Variants in TUT4 observed in about 807,000 individuals in gnomAD.
The protein encoded by TUT4 is terminal uridylyltransferase 4.
Under a neutral mutation model 192.2 loss-of-function variants are expected in TUT4, and 36 were observed. That is an observed-to-expected ratio of 0.19 (90% CI 0.14 to 0.25). The LOEUF (loss-of-function observed/expected upper bound fraction) is 0.25. TUT4 is among the 10% of genes least tolerant of loss of function. The probability of loss-of-function intolerance (pLI) is 1.00; values close to 1 mark genes in which losing one functional copy is unlikely to be tolerated. For missense variants in TUT4, 1,493 were observed against 1,957.2 expected (o/e 0.76, Z 4.47); for synonymous variants, 618 against 666.0 (o/e 0.93, Z 1.11).
intron 25 of TUT4, chr1:52,437,459 A>C (rs1654137259): frequency 6.5e-6 from 1 of 153,614 alleles, no homozygotes. Flanking sequence ...ATTTTGAGGG[A>C]GTATAGAAGA....
chr1:52,481,484 T>A lies in TUT4; in HGVS notation c.1787A>T (p.Asp596Val). The A allele has an allele frequency of 6.2e-7, 1 of 1,614,046 alleles. No homozygotes were observed. The highest frequency in any genetic ancestry group is 8.5e-7 in the Non-Finnish European group (1 of 1,179,968). ...GTCTGTTTCTGTCTTCTTGGTATCATCTTTTGGTTGGTCTGCCTTAGCTTT... is the reference window on the plus strand; with the variant it reads ...GTCTGTTTCTGTCTTCTTGGTATCAACTTTTGGTTGGTCTGCCTTAGCTTT... ...ENKAKADQPK[D>V]DTKKTETDNQ... The change falls in exon 11 of 30, where the codon GAT (aspartate) becomes GTT (valine). Residue 596 changes from aspartate to valine, a missense_variant. Transcript: ENST00000257177.
chr1:52,436,518 G>C (rs1653849973), intron 26 of TUT4, among the ~76,000 whole-genome samples: 1 of 151,942 alleles, frequency 6.6e-6, no homozygotes, highest in South Asian at 2.1e-4. Flanking sequence ...AAAATCTAAA[G>C]AATACTTACA....
At chr1:52,453,001 T>C (rs905412049) in intron 20 of TUT4, among the ~76,000 whole-genome samples, 5 of 152,170 alleles carry the variant, frequency 3.3e-5, no homozygotes, top group Admixed American at 2.0e-4. Context: ...GCAGAAGTGG[T>C]TGCTTGCTTG....
intron 13 of TUT4, among the ~76,000 whole-genome samples, chr1:52,474,095 C>T (rs749225196): frequency 2.0e-5 from 3 of 152,126 alleles, no homozygotes; most frequent in Admixed American, 6.6e-5. Context: ...GTTGTCCCAG[C>T]TACTCAGGAG....
chr1:52,463,014 C>T, intron 16 of TUT4: 5 of 985,188 alleles, frequency 5.1e-6, no homozygotes, highest in Non-Finnish European at 6.0e-6. Context: ...TACTAATTCA[C>T]ATATGATAAA....
At chr1:52,446,509 T>G in intron 21 of TUT4, 67 bp from the exon 22 acceptor site, 1 of 1,548,758 alleles carries the variant, frequency 6.5e-7, no homozygotes, top group Non-Finnish European at 8.7e-7. Flanking sequence ...GGACAGCAAA[T>G]TTAAGTAAAA....
intron 4 of TUT4, among the ~76,000 whole-genome samples, chr1:52,504,991 T>C (rs1675144940): frequency 6.6e-6 from 1 of 152,250 alleles, no homozygotes; most frequent in Non-Finnish European, 1.5e-5. Flanking sequence ...AATGGATATC[T>C]GAATTGCTTC....
rs776563811 is a variant in TUT4 at position 52,481,428 on chromosome 1, C to G, written c.1843G>C (p.Gly615Arg). Residue 615 changes from glycine to arginine, a missense_variant, in exon 11 of 30, where the codon GGC (glycine) becomes CGC (arginine). Physicochemically the swap from Gly to Arg is moderately radical, Grantham distance 125. Transcript: ENST00000257177. ...ACAAAAACAAAAAGGCTTACTTTGCCATGTTTTTCCTTCATGGCATTACTT... is the reference window on the plus strand; with the variant it reads ...ACAAAAACAAAAAGGCTTACTTTGCGATGTTTTTCCTTCATGGCATTACTT... Reference protein sequence around the residue: ...NQSNAMKEKHGKSPLALETPN... With the variant: ...NQSNAMKEKHRKSPLALETPN... 1 of 1,613,436 alleles carries G rather than the reference C, an allele frequency of 6.2e-7. No individual in the cohort carries two copies. The highest frequency in any genetic ancestry group is 1.1e-5 in the South Asian group (1 of 90,992).
At chr1:52,465,613 T>C (rs1429443911) in intron 15 of TUT4, among the ~76,000 whole-genome samples, 7 of 152,262 alleles carry the variant, frequency 4.6e-5, no homozygotes, top group South Asian at 2.1e-4. Flanking sequence ...TCTGCTTTTA[T>C]ACATTCTCAA....
At chr1:52,502,006 A>G (rs898445522) in intron 4 of TUT4, among the ~76,000 whole-genome samples, 5 of 152,082 alleles carry the variant, frequency 3.3e-5, no homozygotes, top group African/African-American at 1.2e-4. Flanking sequence ...GAATGATGAA[A>G]AAGTTCTGAA....
At chr1:52,511,575 G>A (rs928485426) in intron 3 of TUT4, among the ~76,000 whole-genome samples, 2 of 152,122 alleles carry the variant, frequency 1.3e-5, no homozygotes, top group Non-Finnish European at 2.9e-5. Context: ...AGACCTTATT[G>A]ATAAAGTAAC....
chr1:52,515,769 G>A, intron 3 of TUT4, 122 bp downstream of exon 3: 2 of 1,119,496 alleles, frequency 1.8e-6, no homozygotes, highest in South Asian at 1.4e-5. Flanking sequence ...GAAGAGGGAA[G>A]TAAGGAAAGA....
chr1:52,525,913 C>T lies in TUT4; in HGVS notation c.368G>A (p.Ser123Asn). The change falls in exon 2 of 30, where the codon AGT becomes AAT. Residue 123 changes from serine to asparagine, a missense_variant. This residue lies in a region of TUT4 where 260 missense variants were observed against 247.8 expected (regional missense o/e 1.05). Transcript: ENST00000257177. ...TGATTTTTCTGCTTTTGCCTGTAAA[C>T]TGGTTGCCTTTTCTGATTTTGCCTG... ...ISQAKSEKAT[S>N]LQAKAEKSPK... 1 of 1,614,070 alleles carries T rather than the reference C, an allele frequency of 6.2e-7. No individual in the cohort carries two copies. Among genetic ancestry groups the T allele is most frequent in the Non-Finnish European group, 8.5e-7 (1 of 1,180,008 alleles).
chr1:52,525,182 C>T (rs1681399099), intron 2 of TUT4, among the ~76,000 whole-genome samples: 1 of 152,032 alleles, frequency 6.6e-6, no homozygotes, highest in African/African-American at 2.4e-5. Context: ...CCATTGTAAA[C>T]AAATGCTTGA....
At chr1:52,479,723 G>A (rs571758834) in intron 11 of TUT4, among the ~76,000 whole-genome samples, 145 of 152,250 alleles carry the variant, frequency 9.5e-4, no homozygotes, top group African/African-American at 3.2e-3. Flanking sequence ...GGCCGGGCGC[G>A]GAGGCTCACG....
chr1:52,534,722 A>T (rs953401956), intron 1 of TUT4, among the ~76,000 whole-genome samples: 1 of 151,702 alleles, frequency 6.6e-6, no homozygotes, highest in Non-Finnish European at 1.5e-5. Flanking sequence ...AATCAGCCAA[A>T]TGTGGTGGCG....
At chr1:52,543,164 T>C (rs1687179607) in intron 1 of TUT4, among the ~76,000 whole-genome samples, 1 of 152,104 alleles carries the variant, frequency 6.6e-6, no homozygotes, top group Non-Finnish European at 1.5e-5. Context: ...ATTATCTCAG[T>C]TTGCAAATAA....
chr1:52,447,318 G>A (rs1273376112), intron 20 of TUT4, among the ~76,000 whole-genome samples: 16 of 151,776 alleles, frequency 1.1e-4, no homozygotes, highest in South Asian at 2.1e-4. Context: ...GCGTGGTGGC[G>A]TGCACCTGTA....
chr1:52,493,144 C>T (rs149915200), intron 7 of TUT4, among the ~76,000 whole-genome samples: 3 of 152,292 alleles, frequency 2.0e-5, no homozygotes, highest in Admixed American at 6.5e-5. Context: ...AGTGTAGCAG[C>T]GCAATCTCAG....
Sources: allele counts gnomAD v4.1 joint callset (sites outside exome capture counted in the v4.1 genomes callset), GRCh38; gene constraint gnomAD v4.1.1; regional missense constraint gnomAD v4.1.1; transcripts MANE v1.5; gene names NCBI Gene and HGNC (gene_info 2026-07-23, HGNC 2026-07-21).